The following GSN variants were observed in gnomAD, a reference collection of about 807,000 sequenced individuals.
GSN encodes the protein actin-depolymerizing factor.
Under a neutral mutation model 85.7 loss-of-function variants are expected in GSN, and 56 were observed. That is an observed-to-expected ratio of 0.65 (90% confidence interval 0.53 to 0.82). The LOEUF is 0.82. Among genes scored for constraint, GSN ranks in the 40% least tolerant of loss-of-function variants. GSN has a pLI of 0.00. For synonymous variants in GSN, 373 were observed against 399.1 expected, an observed-to-expected ratio of 0.93 and a Z score of 0.78; for missense variants, 857 against 979.8, an observed-to-expected ratio of 0.87 and a Z score of 1.67.
intron 10 of GSN, among the ~76,000 whole-genome samples, chr9:121,320,570 G>A (rs1056355300): frequency 3.3e-5 from 5 of 152,022 alleles, no homozygotes; most frequent in East Asian, 1.9e-4. Context: ...GATTGAACCC[G>A]GGAGGCAGAT....
chr9:121,316,330 A>G (rs990164458), intron 7 of GSN, among the ~76,000 whole-genome samples: 1 of 152,226 alleles, frequency 6.6e-6, no homozygotes, highest in African/African-American at 2.4e-5. Context: ...TGTCAAAACT[A>G]AGAAATTAAC....
At chr9:121,248,568 G>T (rs978841562) in intron 6 of GSN, among the ~76,000 whole-genome samples, 4 of 152,212 alleles carry the variant, frequency 2.6e-5, no homozygotes, top group Middle Eastern at 3.4e-3. Context: ...CATGAGATCT[G>T]GTTACTGCTC....
intron 4 of GSN, among the ~76,000 whole-genome samples, chr9:121,217,441 C>T (rs2054085795): frequency 6.6e-6 from 1 of 151,948 alleles, no homozygotes; most frequent in South Asian, 2.1e-4. Context: ...AACTTCTGTC[C>T]TGGGGGTTTG....
In GSN at chr9:121,332,399, C is replaced by T. The variant is rs1347921232; in HGVS notation, c.2027-35C>T. ...CCTGGTGTGGGAGGCACTAAGAATTCCTGGGGTTTCCTTTTCTTGCACGTG... is the reference window on the plus strand; with the variant it reads ...CCTGGTGTGGGAGGCACTAAGAATTTCTGGGGTTTCCTTTTCTTGCACGTG... On this transcript the variant is annotated intron_variant, in intron 17 of 17. Coordinates refer to ENST00000432226, the MANE Select transcript of GSN (RefSeq NM_198252.3). The surrounding 1 kb of genome is among the most constrained non-coding windows in gnomAD (Gnocchi z 4.8). 1.2e-6 allele frequency: 2 copies of T among 1,602,856 alleles called. No homozygotes were observed. Among genetic ancestry groups the T allele is most frequent in the Non-Finnish European group, 1.7e-6 (2 of 1,169,822 alleles).
chr9:121,286,877 C>T, intron 2 of GSN: 1 of 836,176 alleles, frequency 1.2e-6, no homozygotes, highest in Non-Finnish European at 1.9e-6. Context: ...GCTTTTGTTC[C>T]TCCGTCTATA....
Position 121,324,575 on chromosome 9 carries a change from G to C in GSN, c.1347G>C (p.Gln449His). 2 of 1,543,238 alleles carry C rather than the reference G, an allele frequency of 1.3e-6. No homozygotes were observed. Among genetic ancestry groups the C allele is most frequent in the Non-Finnish European group, 1.8e-6 (2 of 1,140,844 alleles). Residue 449 changes from glutamine (Q) to histidine (H), a missense_variant, in exon 12 of 18, where the codon CAG becomes CAC. Transcript: ENST00000432226. ...CCAGGCAGGGTGCCCAGTCTACCCA[G>C]GATGAGGTCGCTGCATCTGCCATCC... ...IYNWQGAQST[Q>H]DEVAASAILT...
In GSN at chr9:121,314,000, C is replaced by A; in HGVS notation, c.730C>A (p.Arg244Ser). The change falls in exon 7 of 18, where the codon CGC becomes AGC. Residue 244 changes from arginine to serine, a missense_variant. Transcript: ENST00000432226. ...CACCGCCAAGGAGGATGCGGCCAACCGCAAGCTGGCCAAGCTCTACAAGGT... is the reference window on the plus strand; with the variant it reads ...CACCGCCAAGGAGGATGCGGCCAACAGCAAGCTGGCCAAGCTCTACAAGGT... Reference protein sequence around the residue: ...EDTAKEDAANRKLAKLYKVSN... With the variant: ...EDTAKEDAANSKLAKLYKVSN... 1 of 1,613,916 alleles carries A rather than the reference C, an allele frequency of 6.2e-7. No individual in the cohort carries two copies. The highest frequency in any genetic ancestry group is 8.5e-7 in the Non-Finnish European group (1 of 1,179,778).
At chr9:121,328,358 G>T (rs967652945) in intron 14 of GSN, among the ~76,000 whole-genome samples, 2 of 152,240 alleles carry the variant, frequency 1.3e-5, no homozygotes, top group African/African-American at 4.8e-5. Flanking sequence ...ACAGCCATTA[G>T]TCACATGTGG....
chr9:121,267,433 A>G (rs2055267847), upstream of GSN, among the ~76,000 whole-genome samples: 1 of 152,142 alleles, frequency 6.6e-6, no homozygotes, highest in African/African-American at 2.4e-5. Context: ...CATTGTGCTG[A>G]GAGTCTTTTT....
rs888711624 is a variant in GSN at position 121,318,611 on chromosome 9, G to A, written c.976-54G>A. ...GATGGGGTATCTGAGGCTCCCCTGGGGACCCCTGCTGGGCAGCCCAGCCAC... is the reference window on the plus strand; with the variant it reads ...GATGGGGTATCTGAGGCTCCCCTGGAGACCCCTGCTGGGCAGCCCAGCCAC... On this transcript the variant is annotated intron_variant, in intron 9 of 17. Coordinates refer to ENST00000432226, the MANE Select transcript of GSN (RefSeq NM_198252.3). This position sits in a 1 kb window ranked among gnomAD's most constrained non-coding sequence, Gnocchi z 4.3. 9.9e-6 allele frequency: 15 copies of A among 1,509,126 alleles called. No homozygotes were observed. In the African/African-American group the frequency reaches 1.1e-4, roughly 11 times the overall value. 93.5% of individuals were successfully genotyped at this position (1,509,126 alleles called of 1,614,324 possible).
intron 10 of GSN, among the ~76,000 whole-genome samples, chr9:121,320,308 T>G (rs1163579542): frequency 6.6e-6 from 1 of 152,234 alleles, no homozygotes; most frequent in East Asian, 1.9e-4. Flanking sequence ...GGGGTCACAC[T>G]GAGGTTGCCT....
At chr9:121,244,968 T>TA (rs537336362) in intron 5 of GSN, among the ~76,000 whole-genome samples, 251 of 150,870 alleles carry the variant, frequency 1.7e-3, no homozygotes, top group African/African-American at 5.6e-3. Context: ...AGCTAGCTTC[T>TA]AAAAAAAAAG....
In GSN at chr9:121,320,516, G is replaced by A. The variant is rs1463752515; in HGVS notation, c.1192-752G>A. 3.3e-5 allele frequency among the ~76,000 whole-genome samples: 5 copies of A among 152,188 alleles called. No individual in the cohort carries two copies. The East Asian group carries it at 9.6e-4, about 29-fold the overall frequency. On this transcript the variant is annotated intron_variant, in intron 10 of 17. Transcript: ENST00000432226. Reference sequence around the variant, plus strand: ...AAAACTTAGCTGGCCATGGTGGCAGGCACCTGTAATCCCAGCTACTCGGGA... The same window carrying A: ...AAAACTTAGCTGGCCATGGTGGCAGACACCTGTAATCCCAGCTACTCGGGA...
intron 6 of GSN, 189 bp downstream of exon 6, chr9:121,312,677 G>C: frequency 1.9e-6 from 1 of 527,732 alleles, no homozygotes; most frequent in East Asian, 3.5e-5. Context: ...GCCTGAGCTG[G>C]AGTGCAGGGG....
intron 10 of GSN, among the ~76,000 whole-genome samples, chr9:121,319,342 G>A (rs972882605): frequency 6.6e-6 from 1 of 152,060 alleles, no homozygotes; most frequent in East Asian, 1.9e-4. Context: ...CTATCCCAGG[G>A]GGCTAGTGCT....
chr9:121,298,240 G>A (rs141594518), intron 2 of GSN, among the ~76,000 whole-genome samples: 128 of 152,316 alleles, frequency 8.4e-4, no homozygotes, highest in African/African-American at 3.0e-3. Context: ...ACTGGATATG[G>A]TTATGTTTGC....
At chr9:121,205,697 C>T (rs558312902), upstream of GSN, among the ~76,000 whole-genome samples, 1 of 152,190 alleles carries the variant, frequency 6.6e-6, no homozygotes, top group African/African-American at 2.4e-5. Context: ...TGAGGGGTCA[C>T]CTGTTCCTGG....
chr9:121,308,120 G>A (rs1020589225), intron 4 of GSN, among the ~76,000 whole-genome samples: 1 of 152,210 alleles, frequency 6.6e-6, no homozygotes, highest in Non-Finnish European at 1.5e-5. Context: ...GCTCCACACC[G>A]AGGTCAGTCA....
chr9:121,320,091 C>CT (rs1312746692), intron 10 of GSN, among the ~76,000 whole-genome samples: 2 of 152,190 alleles, frequency 1.3e-5, no homozygotes, highest in African/African-American at 4.8e-5. Flanking sequence ...TACATAACCT[C>CT]TTTGAGCTTC....
Sources: gnomAD v4.1 joint callset for allele counts (sites outside exome capture counted in the v4.1 genomes callset) on GRCh38, gnomAD v4.1.1 for gene constraint, Gnocchi (gnomAD v3.1) non-coding constraint, MANE v1.5 for transcripts, NCBI Gene and HGNC (gene_info 2026-07-23, HGNC 2026-07-21) for gene names.